The following ZDHHC21 variants were observed in gnomAD, a reference collection of about 807,000 sequenced individuals.
The protein encoded by ZDHHC21 is palmitoyltransferase ZDHHC21.
Under a neutral mutation model 34.6 loss-of-function variants are expected in ZDHHC21, and 15 were observed. That is an observed-to-expected ratio of 0.43 (90% CI 0.29 to 0.67). ZDHHC21 has a LOEUF of 0.67. Among genes scored for constraint, ZDHHC21 ranks in the 30% least tolerant of loss-of-function variants. The pLI, the probability that ZDHHC21 is intolerant of heterozygous loss-of-function variation, is 0.14. For missense variants in ZDHHC21, 344 were observed against 327.7 expected, an observed-to-expected ratio of 1.05 and a Z score of -0.38; for synonymous variants, 142 against 101.8, an observed-to-expected ratio of 1.40 and a Z score of -2.38.
intron 8 of ZDHHC21, chr9:14,622,586 C>A: frequency 1.0e-6 from 1 of 985,236 alleles, no homozygotes; most frequent in Non-Finnish European, 1.2e-6. Flanking sequence ...TGATACAATC[C>A]ATCCAACTAA....
At chr9:14,636,559 A>T (rs549803208) in intron 8 of ZDHHC21, among the ~76,000 whole-genome samples, 1 of 152,312 alleles carries the variant, frequency 6.6e-6, no homozygotes, top group South Asian at 2.1e-4. Context: ...AACTGGACCT[A>T]ATAGATATTT....
rs1037201055 is a variant in ZDHHC21, at chr9:14,618,986, G to A, written c.778C>T (p.His260Tyr). 10 of 1,610,250 alleles carry A rather than the reference G, an allele frequency of 6.2e-6. No homozygotes were observed. Among genetic ancestry groups the A allele is most frequent in the Non-Finnish European group, 7.6e-6 (9 of 1,177,990 alleles). The part of the protein sequence containing the change: ...RQRQPLRVPY[H>Y]FANHV ...TCTGTTTAGACATGATTGGCAAAGT[G>A]GTAGGGAACTCGCAGTGGTTGCCTC... Residue 260 changes from histidine to tyrosine, a missense_variant, in exon 10 of 10, where the codon CAC becomes TAC. His to Tyr is a moderately conservative substitution (Grantham distance 83, BLOSUM62 2). Transcript: ENST00000380916.
At chr9:14,691,864 G>C (rs138125336) in intron 1 of ZDHHC21, among the ~76,000 whole-genome samples, 4 of 152,090 alleles carry the variant, frequency 2.6e-5, no homozygotes, top group Admixed American at 2.6e-4. Context: ...TTCAAACCAC[G>C]TTAAAGGGTC....
chr9:14,615,950 T>C lies in ZDHHC21; in HGVS notation c.*3016A>G, dbSNP rs937367633. ...ATTATTTTCTAATGCCCAACACCTTTAGTTGTTTTCAGTTATCCAGAATAC... is the reference window on the plus strand; with the variant it reads ...ATTATTTTCTAATGCCCAACACCTTCAGTTGTTTTCAGTTATCCAGAATAC... On this transcript the variant is annotated 3_prime_UTR_variant, in exon 10 of 10. Coordinates refer to ENST00000380916, the MANE Select transcript of ZDHHC21 (RefSeq NM_178566.6). 6.6e-6 allele frequency: 1 copy of C among 151,672 alleles called. No individual in the cohort carries two copies. Among genetic ancestry groups the C allele is most frequent in the African/African-American group, 2.4e-5 (1 of 41,394 alleles). 9.4% of individuals were successfully genotyped at this position (151,672 alleles called of 1,614,324 possible). A position where few individuals can be genotyped will look rare whatever the true frequency, so the allele number is the denominator to read the frequency against.
At chr9:14,651,863 C>T (rs1831298109) in intron 7 of ZDHHC21, among the ~76,000 whole-genome samples, 2 of 151,834 alleles carry the variant, frequency 1.3e-5, no homozygotes. Context: ...AATGAAAGTT[C>T]ATTTTCTTCA....
chr9:14,622,788 GCAAACAATTT>G, intron 8 of ZDHHC21: 1 of 960,738 alleles, frequency 1.0e-6, no homozygotes, highest in Non-Finnish European at 1.2e-6. Context: ...GTTTAACCCT[GCAAACAATTT>G]CAAAATGGAG....
At chr9:14,672,680 T>G (rs1416897880) in intron 5 of ZDHHC21, 150 bp downstream of exon 5, 2 of 529,122 alleles carry the variant, frequency 3.8e-6, no homozygotes, top group Non-Finnish European at 6.4e-6. Flanking sequence ...CAATTTTAAG[T>G]AGAGAAGTTT....
chr9:14,668,851 T>C (rs1834967023), intron 5 of ZDHHC21, among the ~76,000 whole-genome samples: 3 of 129,638 alleles, frequency 2.3e-5, no homozygotes, highest in Non-Finnish European at 3.3e-5. Flanking sequence ...AAAAATCAAT[T>C]CAAGATGGAT....
chr9:14,643,554 T>C (rs1333546244), intron 7 of ZDHHC21, among the ~76,000 whole-genome samples: 1 of 152,250 alleles, frequency 6.6e-6, no homozygotes, highest in Non-Finnish European at 1.5e-5. Context: ...TTTCCTTTAG[T>C]GCTTTTTATA....
chr9:14,597,937 A>G, the ZDHHC21 span, among the ~76,000 whole-genome samples: 1 of 151,682 alleles, frequency 6.6e-6, no homozygotes, highest in African/African-American at 2.4e-5. Flanking sequence ...CCTCCACACA[A>G]CTGAGGGGCC....
chr9:14,685,473 T>A (rs1838161058), intron 2 of ZDHHC21, among the ~76,000 whole-genome samples: 1 of 151,542 alleles, frequency 6.6e-6, no homozygotes, highest in East Asian at 1.9e-4. Flanking sequence ...TCACTGGCCA[T>A]CAGAGAAATG....
chr9:14,693,000 C>T (rs1252783045), intron 1 of ZDHHC21, among the ~76,000 whole-genome samples: 2 of 151,878 alleles, frequency 1.3e-5, no homozygotes, highest in African/African-American at 2.4e-5. Flanking sequence ...GTAGCTCTAG[C>T]AGAAGACGCT....
chr9:14,619,589 C>A, intron 9 of ZDHHC21, 50 bp downstream of exon 9: 1 of 1,290,664 alleles, frequency 7.7e-7, no homozygotes, highest in South Asian at 1.3e-5. Context: ...CAAGTATGTC[C>A]AGTTCTTTCC....
intron 8 of ZDHHC21, 65 bp downstream of exon 8, chr9:14,639,831 G>T: frequency 2.1e-6 from 2 of 947,780 alleles, no homozygotes; most frequent in Non-Finnish European, 3.0e-6. Flanking sequence ...TATAACTTTT[G>T]AGAATTACAT....
intron 2 of ZDHHC21, among the ~76,000 whole-genome samples, chr9:14,687,581 G>C (rs1054459479): frequency 6.6e-6 from 1 of 150,768 alleles, no homozygotes; most frequent in Non-Finnish European, 1.5e-5. Context: ...TGAGGCACGA[G>C]AATCGCTTGA....
intron 6 of ZDHHC21, among the ~76,000 whole-genome samples, chr9:14,661,757 T>G (rs1048966479): frequency 5.9e-5 from 9 of 152,188 alleles, no homozygotes; most frequent in Admixed American, 5.9e-4. Flanking sequence ...CAATACATAA[T>G]GCTTAAAAAG....
chr9:14,645,970 G>A (rs1250895143), intron 7 of ZDHHC21, among the ~76,000 whole-genome samples: 2 of 152,122 alleles, frequency 1.3e-5, no homozygotes, highest in Non-Finnish European at 2.9e-5. Flanking sequence ...GTTTAAATGG[G>A]TGCAACTATT....
In ZDHHC21 at chr9:14,649,176, C is replaced by A. The variant is rs116565180; in HGVS notation, c.505-9164G>T. 9.2e-3 allele frequency among the ~76,000 whole-genome samples: 1,405 copies of A among 152,196 alleles called. 17 individuals are homozygous for A. Among genetic ancestry groups the A allele is most frequent in the African/African-American group, 0.031 (1,296 of 41,526 alleles). On this transcript the variant is annotated intron_variant, in intron 7 of 9. Transcript: ENST00000380916. ...TGGGGGAAAGTCAACCTCCTCCCAA[C>A]TGAGAACCACTGTACCCACTGGTAA... is the stretch of plus-strand genomic sequence containing the variant.
intron 2 of ZDHHC21, among the ~76,000 whole-genome samples, chr9:14,685,354 C>A (rs528509305): frequency 6.6e-6 from 1 of 151,512 alleles, no homozygotes; most frequent in African/African-American, 2.4e-5. Context: ...AACAAATTTA[C>A]AAGAAAAAAA....
Sources: allele counts gnomAD v4.1 joint callset (sites outside exome capture counted in the v4.1 genomes callset), GRCh38; gene constraint gnomAD v4.1.1; transcripts MANE v1.5; gene names NCBI Gene and HGNC (gene_info 2026-07-23, HGNC 2026-07-21).